Variants in AKAP13 observed in about 807,000 individuals in gnomAD.
AKAP13 encodes A-kinase anchor protein 13.
AKAP13 carries 80 observed loss-of-function variants against 264.5 expected under a neutral mutation model. That is an observed-to-expected ratio of 0.30 (90% CI 0.25 to 0.36). AKAP13 has a LOEUF of 0.36. AKAP13 is among the 10% of genes least tolerant of loss of function. The probability of loss-of-function intolerance (pLI) is 1.00; values close to 1 mark genes in which losing one functional copy is unlikely to be tolerated. For missense variants in AKAP13, 3,712 were observed against 3,435.2 expected (o/e 1.08, Z -2.01); for synonymous variants, 1,380 against 1,250.2 (o/e 1.10, Z -2.19).
intron 5 of AKAP13, among the ~76,000 whole-genome samples, chr15:85,546,598 A>G (rs1465932946): frequency 6.6e-6 from 1 of 152,202 alleles, no homozygotes; most frequent in Non-Finnish European, 1.5e-5. Flanking sequence ...TGGCCCAAGA[A>G]TAGACTTCAT....
chr15:85,604,805 A>C (rs185977578), intron 8 of AKAP13, among the ~76,000 whole-genome samples: 1 of 152,276 alleles, frequency 6.6e-6, no homozygotes, highest in East Asian at 1.9e-4. Context: ...AGTTAGATGC[A>C]TAGAGCCATT....
intron 33 of AKAP13, among the ~76,000 whole-genome samples, chr15:85,739,194 A>T (rs960442399): frequency 2.4e-4 from 36 of 152,326 alleles, no homozygotes; most frequent in Non-Finnish European, 4.9e-4. Flanking sequence ...TTATTTCCCG[A>T]GTATGCCAAA....
At position 85,583,041 on chromosome 15, in the gene AKAP13, A is replaced by G. The variant is rs544321978; in HGVS notation, c.4039+934A>G. ...GGGTTGAGGCTGAAGCTGAAACGGG[A>G]GTCGGACACGATCTTGGCTCCTGAA... On this transcript the variant is annotated intron_variant, in intron 7 of 36. Transcript: ENST00000394518. 1.0e-5 allele frequency: 10 copies of G among 985,470 alleles called. No homozygotes were observed. The African/African-American group carries it at 1.4e-4, about 14-fold the overall frequency. The allele number at this position is 985,470 out of a possible 1,614,324, so 61.0% of individuals were successfully genotyped here. A position where few individuals can be genotyped will look rare whatever the true frequency, so the allele number is the denominator to read the frequency against.
intron 1 of AKAP13, among the ~76,000 whole-genome samples, chr15:85,409,614 C>G (rs1163270601): frequency 2.0e-5 from 3 of 149,368 alleles, no homozygotes; most frequent in Admixed American, 1.3e-4. Context: ...TTCTTTGATG[C>G]AGCTAGTAGT....
Position 85,671,433 on chromosome 15 carries a change from CAAAAAAAAA to C in AKAP13, c.5101+1620_5101+1628del, listed in dbSNP as rs11296113. Among the ~76,000 whole-genome samples the C allele has an allele frequency of 9.2e-3, 651 of 70,590 alleles. 4 individuals are homozygous for C. The highest frequency in any genetic ancestry group is 0.025 in the African/African-American group (567 of 22,462). The allele number at this position is 70,590 out of a possible 152,430, so 46.3% of individuals were successfully genotyped here. A position where few individuals can be genotyped will look rare whatever the true frequency, so the allele number is the denominator to read the frequency against. On this transcript the variant is annotated intron_variant, in intron 14 of 36. Transcript: ENST00000394518. ...TGGGTGATAGAGTGAGACACTGCCT[CAAAAAAAAA>C]AAAAAAAAAAAAAAAAGAGAGAGAG...
intron 14 of AKAP13, among the ~76,000 whole-genome samples, chr15:85,676,086 T>C (rs1420174830): frequency 6.6e-6 from 1 of 152,160 alleles, no homozygotes; most frequent in East Asian, 1.9e-4. Flanking sequence ...TAATTTTTTG[T>C]ATTTTTAGTG....
Position 85,730,604 on chromosome 15 carries a change from C to G in AKAP13, c.7179C>G (p.Leu2393=). The G allele has an allele frequency of 6.2e-7, 1 of 1,614,158 alleles. No homozygotes were observed. The highest frequency in any genetic ancestry group is 1.1e-5 in the South Asian group (1 of 91,082). The change falls in exon 30 of 37, where the codon CTC becomes CTG. Residue 2393 remains leucine, a synonymous_variant. Transcript: ENST00000394518. ...ACATGGCTGAGTGCAGCACCCCTCT[C>G]CCAGAGGATTGCTCCCCAACACATA... ...FRDMAECSTP[L]PEDCSPTHSP...
At chr15:85,679,097 C>T (rs776607646) in intron 14 of AKAP13, among the ~76,000 whole-genome samples, 2 of 151,652 alleles carry the variant, frequency 1.3e-5, no homozygotes, top group Non-Finnish European at 2.9e-5. Context: ...AAAAATTAGC[C>T]GGGTGTGGTT....
intron 13 of AKAP13, among the ~76,000 whole-genome samples, chr15:85,668,810 G>T (rs1209712078): frequency 6.6e-6 from 1 of 152,100 alleles, no homozygotes; most frequent in Admixed American, 6.5e-5. Context: ...GGGCGTGGTG[G>T]TGCACCCCTG....
At chr15:85,654,581 C>T (rs916599055) in intron 10 of AKAP13, among the ~76,000 whole-genome samples, 1 of 151,936 alleles carries the variant, frequency 6.6e-6, no homozygotes, top group Non-Finnish European at 1.5e-5. Flanking sequence ...AATCCCAGCA[C>T]TTTGGGAAGC....
chr15:85,692,174 C>T (rs2085323019), intron 16 of AKAP13, among the ~76,000 whole-genome samples: 1 of 152,182 alleles, frequency 6.6e-6, no homozygotes, highest in South Asian at 2.1e-4. Context: ...TCCCTGCTCA[C>T]ATCAAAACTT....
chr15:85,416,043 G>A (rs1371444457), intron 1 of AKAP13, among the ~76,000 whole-genome samples: 19 of 152,188 alleles, frequency 1.2e-4, no homozygotes, highest in Non-Finnish European at 1.5e-5. Flanking sequence ...CGAATGAAGT[G>A]AGATGGGAGC....
intron 8 of AKAP13, among the ~76,000 whole-genome samples, chr15:85,637,764 G>A (rs1008711563): frequency 3.3e-5 from 5 of 151,610 alleles, no homozygotes; most frequent in Admixed American, 6.6e-5. Context: ...TACAAATATT[G>A]CTGTTAGCAC....
chr15:85,429,395 C>G (rs1443637571), intron 1 of AKAP13, among the ~76,000 whole-genome samples: 3 of 152,180 alleles, frequency 2.0e-5, no homozygotes, highest in African/African-American at 4.8e-5. Context: ...CTCTGTGCAG[C>G]AAGGGAAGCG....
chr15:85,446,739 C>T (rs1313139373), intron 1 of AKAP13, among the ~76,000 whole-genome samples: 1 of 139,748 alleles, frequency 7.2e-6, no homozygotes, highest in Non-Finnish European at 1.5e-5. Flanking sequence ...GAGACAGAGT[C>T]TCGCTGTGTT....
chr15:85,666,122 A>G lies in AKAP13; in HGVS notation c.4992+1367A>G, dbSNP rs567791341. 2.0e-5 allele frequency among the ~76,000 whole-genome samples: 3 copies of G among 152,310 alleles called. No homozygotes were observed. In the South Asian group the frequency reaches 6.2e-4, roughly 32 times the overall value. Reference sequence around the variant, plus strand: ...CCACACTGTCTTCCACAATGGTTGAACTAGTTCACAGTCCCGCCAACAGTG... The same window carrying G: ...CCACACTGTCTTCCACAATGGTTGAGCTAGTTCACAGTCCCGCCAACAGTG... On this transcript the variant is annotated intron_variant, in intron 13 of 36. Coordinates refer to ENST00000394518, the MANE Select transcript of AKAP13 (RefSeq NM_007200.5).
chr15:85,512,216 A>G (rs987577214), intron 2 of AKAP13, among the ~76,000 whole-genome samples: 14 of 152,124 alleles, frequency 9.2e-5, no homozygotes, highest in African/African-American at 3.1e-4. Context: ...TTTGCTTTCC[A>G]TAAGCCTCAG....
intron 8 of AKAP13, among the ~76,000 whole-genome samples, chr15:85,603,545 A>G (rs549418563): frequency 6.6e-6 from 1 of 152,354 alleles, no homozygotes; most frequent in South Asian, 2.1e-4. Context: ...AGTAAATTAA[A>G]TAGCTCCTTG....
At chr15:85,381,522 T>C (rs1235439233) in intron 1 of AKAP13, among the ~76,000 whole-genome samples, 3 of 30,558 alleles carry the variant, frequency 9.8e-5, no homozygotes, top group East Asian at 6.9e-4. Context: ...GGTTTACTGC[T>C]TTTTTTTTTT....
Sources: gnomAD v4.1 joint callset for allele counts (sites outside exome capture counted in the v4.1 genomes callset) on GRCh38, gnomAD v4.1.1 for gene constraint, MANE v1.5 for transcripts, NCBI Gene and HGNC (gene_info 2026-07-23, HGNC 2026-07-21) for gene names.